TAF1B: variants seen among roughly 807,000 people sequenced by gnomAD.
TAF1B encodes the protein TATA box-binding protein-associated factor RNA polymerase I subunit B.
TAF1B carries 61 observed loss-of-function variants against 83.9 expected under a neutral mutation model. The observed-to-expected ratio is 0.73, with a 90% CI of 0.59 to 0.90. The LOEUF (loss-of-function observed/expected upper bound fraction) is 0.90. TAF1B is among the 40% of genes least tolerant of loss of function. TAF1B has a pLI of 0.00. For synonymous variants in TAF1B, 221 were observed against 224.6 expected, an observed-to-expected ratio of 0.98 and a Z score of 0.14; for missense variants, 625 against 677.0, an observed-to-expected ratio of 0.92 and a Z score of 0.85.
chr2:9,901,888 C>T (rs1182256878), intron 8 of TAF1B, among the ~76,000 whole-genome samples: 1 of 151,588 alleles, frequency 6.6e-6, no homozygotes, highest in East Asian at 1.9e-4. Flanking sequence ...TGTATCCCAA[C>T]ATTAAAAAAA....
intron 5 of TAF1B, 78 bp from the exon 6 acceptor site, chr2:9,868,198 A>G (rs1387433972): frequency 1.2e-5 from 17 of 1,449,456 alleles, no homozygotes; most frequent in African/African-American, 1.4e-5. Context: ...TGTTTGTGAT[A>G]GGAGTTGTTT....
intron 5 of TAF1B, among the ~76,000 whole-genome samples, chr2:9,862,969 G>A (rs962369497): frequency 2.3e-4 from 35 of 151,968 alleles, no homozygotes; most frequent in Non-Finnish European, 4.7e-4. Flanking sequence ...AGGAACAACC[G>A]GTACCAGCCA....
intron 14 of TAF1B, among the ~76,000 whole-genome samples, chr2:9,931,664 G>T (rs531566749): frequency 6.6e-6 from 1 of 152,266 alleles, no homozygotes; most frequent in East Asian, 1.9e-4. Flanking sequence ...TCTTCTCAAG[G>T]AGTATCTTTG....
intron 5 of TAF1B, among the ~76,000 whole-genome samples, chr2:9,867,439 G>C (rs1273013065): frequency 6.6e-6 from 1 of 152,226 alleles, no homozygotes; most frequent in Non-Finnish European, 1.5e-5. Context: ...GGATATGCTT[G>C]ACAGAGGACA....
intron 6 of TAF1B, among the ~76,000 whole-genome samples, chr2:9,874,594 G>T (rs1259681970): frequency 6.6e-6 from 1 of 151,932 alleles, no homozygotes; most frequent in East Asian, 1.9e-4. Context: ...TTTCTTGTTT[G>T]TTTGTTTATT....
At chr2:9,916,647 C>CA (rs1442816752) in intron 12 of TAF1B, among the ~76,000 whole-genome samples, 4 of 151,782 alleles carry the variant, frequency 2.6e-5, no homozygotes, top group South Asian at 2.1e-4. Flanking sequence ...AAATTAATGG[C>CA]AAAAAAATAT....
At chr2:9,898,332 G>T (rs1665080583) in intron 8 of TAF1B, among the ~76,000 whole-genome samples, 1 of 152,180 alleles carries the variant, frequency 6.6e-6, no homozygotes, top group Non-Finnish European at 1.5e-5. Context: ...GATTCTGATG[G>T]AGATTACGCT....
intron 8 of TAF1B, among the ~76,000 whole-genome samples, chr2:9,901,233 C>G (rs1359030696): frequency 6.6e-6 from 1 of 151,604 alleles, no homozygotes; most frequent in Non-Finnish European, 1.5e-5. Flanking sequence ...GAGTGTTACT[C>G]AAAAAGGAAA....
chr2:9,918,946 A>G, intron 12 of TAF1B, 95 bp from the exon 13 acceptor site: 1 of 1,088,230 alleles, frequency 9.2e-7, no homozygotes, highest in Non-Finnish European at 1.4e-6. Context: ...CCAGAGCTAT[A>G]ACGAAATATC....
intron 3 of TAF1B, among the ~76,000 whole-genome samples, 169 bp downstream of exon 3, chr2:9,849,629 T>C (rs949314998): frequency 1.3e-5 from 2 of 152,200 alleles, no homozygotes; most frequent in African/African-American, 4.8e-5. Flanking sequence ...GTGAATATTA[T>C]TTCTGGTGCT....
chr2:9,845,454 G>A lies in TAF1B; in HGVS notation c.117+136G>A, dbSNP rs186549127. 1.0e-4 allele frequency: 66 copies of A among 639,664 alleles called. No homozygotes were observed. In the Admixed American group the frequency reaches 1.1e-3, roughly 11 times the overall value. 39.6% of individuals were successfully genotyped at this position (639,664 alleles called of 1,614,324 possible). ...ATGCCAACATTCCAAGGATGCATGT[G>A]GTCTTAGGTACTTACACATAGGTTA... On this transcript the variant is annotated intron_variant, in intron 2 of 14. Coordinates refer to ENST00000263663, the MANE Select transcript of TAF1B (RefSeq NM_005680.3).
intron 8 of TAF1B, among the ~76,000 whole-genome samples, chr2:9,895,412 G>T (rs543955443): frequency 6.6e-6 from 1 of 152,228 alleles, no homozygotes; most frequent in Non-Finnish European, 1.5e-5. Flanking sequence ...GAGGTGGGAG[G>T]ATCACCTGAG....
chr2:9,848,761 A>G (rs1169258723), intron 2 of TAF1B, among the ~76,000 whole-genome samples: 1 of 152,094 alleles, frequency 6.6e-6, no homozygotes, highest in African/African-American at 2.4e-5. Context: ...TCAACACTTT[A>G]TTTTTAGTTG....
At chr2:9,865,611 C>T (rs115993449) in intron 5 of TAF1B, among the ~76,000 whole-genome samples, 3,866 of 152,200 alleles carry the variant, frequency 0.025, 169 homozygotes, top group African/African-American at 0.088. Context: ...GAACCAAAAA[C>T]GAGCCCTCAT....
In TAF1B at chr2:9,919,020, CTGT is replaced by C. The variant is rs1558267187; in HGVS notation, c.1272-19_1272-17del. 6.2e-7 allele frequency: 1 copy of C among 1,603,326 alleles called. No homozygotes were observed. Among genetic ancestry groups the C allele is most frequent in the Non-Finnish European group, 8.5e-7 (1 of 1,171,450 alleles). On this transcript the variant is annotated intron_variant, in intron 12 of 14. Transcript: ENST00000263663. Reference sequence around the variant, plus strand: ...CCGTTTCATCTCCGTCCTGCTCCAGCTGTTTCTTTACCTTGTACAGGTACCTGT... The same window carrying C: ...CCGTTTCATCTCCGTCCTGCTCCAGCTTCTTTACCTTGTACAGGTACCTGT...
intron 8 of TAF1B, among the ~76,000 whole-genome samples, chr2:9,900,701 A>G (rs1053893716): frequency 2.0e-4 from 31 of 152,146 alleles, no homozygotes; most frequent in Admixed American, 6.5e-5. Context: ...GAGGTGGAGT[A>G]AACAGTCTGT....
Position 9,904,919 on chromosome 2 carries a change from T to A in TAF1B, c.868T>A (p.Leu290Met), listed in dbSNP as rs1046794771. 2 of 1,611,766 alleles carry A rather than the reference T, an allele frequency of 1.2e-6. No homozygotes were observed. Among genetic ancestry groups the A allele is most frequent in the African/African-American group, 2.7e-5 (2 of 74,984 alleles). The stretch of plus-strand genomic sequence containing the variant: ...AGTAGAAGTTGGAACATTTTTAGAT[T>A]TGCCTCGTTTTCCAGACATAACTGA... ...KTVEVGTFLD[L>M]PRFPDITEDC... Residue 290 changes from leucine to methionine, a missense_variant, in exon 9 of 15, where the codon TTG becomes ATG. Physicochemically the swap from Leu to Met is conservative, Grantham distance 15. Coordinates refer to ENST00000263663, the MANE Select transcript of TAF1B (RefSeq NM_005680.3).
In TAF1B at chr2:9,917,590, G is replaced by A. The variant is rs575071051; in HGVS notation, c.1272-1451G>A. 3.3e-5 allele frequency among the ~76,000 whole-genome samples: 5 copies of A among 152,328 alleles called. No individual in the cohort carries two copies. In the East Asian group the frequency reaches 9.6e-4, roughly 29 times the overall value. ...TCTTCAGAATAACCCTGTGAAAGTA[G>A]AGGATAAGTTTAGAGATGCTAAATT... On this transcript the variant is annotated intron_variant, in intron 12 of 14. Transcript: ENST00000263663.
At position 9,843,491 on chromosome 2, in the gene TAF1B, C is replaced by G; in HGVS notation, c.-51C>G. 3 of 1,517,664 alleles carry G rather than the reference C, an allele frequency of 2.0e-6. No individual in the cohort carries two copies. Among genetic ancestry groups the G allele is most frequent in the Non-Finnish European group, 2.7e-6 (3 of 1,127,454 alleles). The allele number at this position is 1,517,664 out of a possible 1,614,324, so 94.0% of individuals were successfully genotyped here. On this transcript the variant is annotated 5_prime_UTR_variant, in exon 1 of 15. Coordinates refer to ENST00000263663, the MANE Select transcript of TAF1B (RefSeq NM_005680.3). ...TCTCCAGCCTTTCCCGGAAGCTGCGCTCGCTACCCGGGTAACGGGTCCCGG... is the reference window on the plus strand; with the variant it reads ...TCTCCAGCCTTTCCCGGAAGCTGCGGTCGCTACCCGGGTAACGGGTCCCGG...
Sources: gnomAD v4.1 joint callset for allele counts (sites outside exome capture counted in the v4.1 genomes callset) on GRCh38, gnomAD v4.1.1 for gene constraint, MANE v1.5 for transcripts, NCBI Gene and HGNC (gene_info 2026-07-23, HGNC 2026-07-21) for gene names.